Variants in TLE1 observed in about 807,000 individuals in gnomAD.
The protein encoded by TLE1 is transducin-like enhancer protein 1.
TLE1 carries 21 observed loss-of-function variants against 89.8 expected under a neutral mutation model. The observed-to-expected ratio is 0.23, with a 90% confidence interval of 0.17 to 0.34. TLE1 has a LOEUF of 0.34. Ranked by LOEUF, TLE1 falls within the 10% of genes least tolerant of loss-of-function variation. The pLI, the probability that TLE1 is intolerant of heterozygous loss-of-function variation, is 1.00. For missense variants in TLE1, 795 were observed against 1,031.2 expected, an observed-to-expected ratio of 0.77 and a Z score of 3.14; for synonymous variants, 447 against 407.6, an observed-to-expected ratio of 1.10 and a Z score of -1.16.
rs776755520 is a variant in TLE1, at chr9:81,616,084, T to C, written c.816A>G (p.Gly272=). The C allele has an allele frequency of 2.5e-6, 4 of 1,614,028 alleles. No individual in the cohort carries two copies. Among genetic ancestry groups the C allele is most frequent in the African/African-American group, 2.7e-5 (2 of 74,932 alleles). The change falls in exon 11 of 20, where the codon GGA becomes GGG. Residue 272 remains glycine (G), a synonymous_variant. Coordinates refer to ENST00000376499, the MANE Select transcript of TLE1 (RefSeq NM_005077.5). ...ASPAHSPREN[G]IDKNRLLKKD... is the part of the protein sequence containing the mutation. The stretch of plus-strand genomic sequence containing the variant: ...TCTTTAGCAGGCGATTTTTGTCGAT[T>C]CCATTTTCCCGGGGCGAGTGGGCAG...
chr9:81,622,265 G>GT (rs1011639794), intron 8 of TLE1, among the ~76,000 whole-genome samples: 2 of 152,158 alleles, frequency 1.3e-5, no homozygotes, highest in Non-Finnish European at 2.9e-5. Context: ...CGGCAGGGCT[G>GT]TATCTTATTC....
chr9:81,617,469 G>A (rs564202554), intron 9 of TLE1, among the ~76,000 whole-genome samples: 42 of 150,088 alleles, frequency 2.8e-4, no homozygotes, highest in African/African-American at 9.6e-4. Flanking sequence ...AGGCCGAGGC[G>A]GGCAGGTGGA....
chr9:81,590,726 G>A (rs1030965485), intron 16 of TLE1, 79 bp downstream of exon 16: 13 of 1,553,686 alleles, frequency 8.4e-6, no homozygotes, highest in Admixed American at 7.3e-5. Flanking sequence ...GTGGGCTGCA[G>A]GCAGCCAGAG....
At chr9:81,609,355 G>C (rs976811893) in intron 14 of TLE1, among the ~76,000 whole-genome samples, 1 of 152,220 alleles carries the variant, frequency 6.6e-6, no homozygotes, top group African/African-American at 2.4e-5. Flanking sequence ...AAAGTGCTAG[G>C]ATTATAGGCG....
chr9:81,588,718 A>C (rs1169236028), intron 16 of TLE1, among the ~76,000 whole-genome samples: 1 of 152,128 alleles, frequency 6.6e-6, no homozygotes, highest in African/African-American at 2.4e-5. Flanking sequence ...TCAGTTCTGC[A>C]TGCTGAGAGG....
intron 4 of TLE1, among the ~76,000 whole-genome samples, chr9:81,679,021 G>A (rs1035911630): frequency 2.6e-5 from 4 of 152,066 alleles, no homozygotes; most frequent in African/African-American, 7.2e-5. Context: ...GGTGATGCAC[G>A]CCTGTAATCC....
chr9:81,653,578 C>T (rs1372449827), intron 5 of TLE1, among the ~76,000 whole-genome samples: 1 of 152,178 alleles, frequency 6.6e-6, no homozygotes, highest in African/African-American at 2.4e-5. Flanking sequence ...TACATAAGTA[C>T]AAAAGAACTA....
chr9:81,653,746 C>T (rs1475488053), intron 5 of TLE1, among the ~76,000 whole-genome samples: 5 of 152,168 alleles, frequency 3.3e-5, no homozygotes, highest in African/African-American at 9.7e-5. Context: ...AGTCATTTTG[C>T]AGTTTTCCAC....
chr9:81,669,941 A>G (rs1009791408), intron 4 of TLE1, among the ~76,000 whole-genome samples: 8 of 152,172 alleles, frequency 5.3e-5, no homozygotes, highest in Admixed American at 5.2e-4. Context: ...ACATCGTGTC[A>G]AGCTAAGATT....
intron 4 of TLE1, among the ~76,000 whole-genome samples, chr9:81,663,498 A>C (rs968363311): frequency 1.3e-5 from 2 of 152,232 alleles, no homozygotes; most frequent in African/African-American, 4.8e-5. Context: ...GGGCTGCAGC[A>C]GCACAAGGAC....
chr9:81,584,755 A>G (rs549398635), intron 18 of TLE1, among the ~76,000 whole-genome samples: 2 of 152,316 alleles, frequency 1.3e-5, no homozygotes, highest in South Asian at 4.1e-4. Context: ...ATACAGGACT[A>G]GTAGCATCAT....
chr9:81,657,360 A>C (rs1042849241), intron 4 of TLE1, among the ~76,000 whole-genome samples: 1 of 152,194 alleles, frequency 6.6e-6, no homozygotes, highest in African/African-American at 2.4e-5. Context: ...AGATTAGAAC[A>C]CATCAATATC....
At position 81,611,632 on chromosome 9, in the gene TLE1, C is replaced by T. The variant is rs567846961; in HGVS notation, c.1254+137G>A. 11 of 786,404 alleles carry T rather than the reference C, an allele frequency of 1.4e-5. 1 individual carries two copies. The highest frequency in any genetic ancestry group is 7.3e-5 in the African/African-American group (4 of 55,144). The allele number at this position is 786,404 out of a possible 1,614,324, so 48.7% of individuals were successfully genotyped here. A position where few individuals can be genotyped will look rare whatever the true frequency, so the allele number is the denominator to read the frequency against. On this transcript the variant is annotated intron_variant, in intron 13 of 19. Transcript: ENST00000376499. The stretch of plus-strand genomic sequence containing the variant: ...GTGAGTGTGTGGCTGGGAGACTGGG[C>T]GTCTTTGTCTCCGAGGTGTGTGGGG...
Position 81,584,125 on chromosome 9 carries a change from C to A in TLE1, c.*73G>T. The A allele has an allele frequency of 1.5e-6, 2 of 1,372,018 alleles. No homozygotes were observed. Among genetic ancestry groups the A allele is most frequent in the South Asian group, 1.2e-5 (1 of 83,712 alleles). 85.0% of individuals were successfully genotyped at this position (1,372,018 alleles called of 1,614,324 possible). ...TAATTTTTTTTCTCTTTTAAAGTTA[C>A]AACTTTTCTATTTCTATAAATTCGA... On this transcript the variant is annotated 3_prime_UTR_variant, in exon 20 of 20. Coordinates refer to ENST00000376499, the MANE Select transcript of TLE1 (RefSeq NM_005077.5).
chr9:81,587,641 A>G (rs1186598756), intron 17 of TLE1, 40 bp downstream of exon 17: 4 of 1,573,148 alleles, frequency 2.5e-6, no homozygotes, highest in Non-Finnish European at 3.5e-6. Flanking sequence ...CACCCCAGCC[A>G]CCTCCCAGAC....
At chr9:81,600,093 T>C in intron 14 of TLE1, 2 of 745,174 alleles carry the variant, frequency 2.7e-6, no homozygotes, top group East Asian at 2.5e-5. Flanking sequence ...AACTTCTCAA[T>C]GTGCTGGGGC....
chr9:81,627,510 A>G (rs1025449881), intron 8 of TLE1, among the ~76,000 whole-genome samples: 58 of 152,260 alleles, frequency 3.8e-4, no homozygotes, highest in African/African-American at 1.3e-3. Context: ...TGAAGGGTTC[A>G]CCCTATTCAC....
intron 8 of TLE1, among the ~76,000 whole-genome samples, chr9:81,627,498 T>A (rs962560782): frequency 1.3e-5 from 2 of 152,126 alleles, no homozygotes; most frequent in Admixed American, 6.6e-5. Flanking sequence ...GGGGCTTTCC[T>A]TTGAAGGGTT....
Position 81,652,232 on chromosome 9 carries a change from T to C in TLE1, c.354A>G (p.Glu118=), listed in dbSNP as rs2228173. Residue 118 remains glutamate (E), a synonymous_variant, in exon 6 of 20, where the codon GAA becomes GAG. Coordinates refer to ENST00000376499, the MANE Select transcript of TLE1 (RefSeq NM_005077.5). ...CACGTACCCCGATGATGGCATTCAA[T>C]TCTGCCATGGTCACCTGTTTGGCAC... ...VERAKQVTMA[E]LNAIIGQQQL... is the part of the protein sequence containing the mutation. 0.91 allele frequency: 1,464,202 copies of C among 1,613,660 alleles called. 664,639 individuals are homozygous for C. The highest frequency in any genetic ancestry group is 0.94 in the Admixed American group (56,360 of 59,974).
Sources: allele counts gnomAD v4.1 joint callset (sites outside exome capture counted in the v4.1 genomes callset), GRCh38; gene constraint gnomAD v4.1.1; transcripts MANE v1.5; gene names NCBI Gene and HGNC (gene_info 2026-07-23, HGNC 2026-07-21).